ZNF613: variants seen among roughly 807,000 people sequenced by gnomAD.
ZNF613 encodes the protein zinc finger protein 613.
Under a neutral mutation model 14.3 loss-of-function variants are expected in ZNF613, and 8 were observed. The observed-to-expected ratio is 0.56, with a 90% CI of 0.33 to 1.01. ZNF613 has a LOEUF of 1.01. Ranked by LOEUF, ZNF613 falls within the 50% of genes least tolerant of loss-of-function variation. The probability of loss-of-function intolerance (pLI) is 0.03; values close to 1 mark genes in which losing one functional copy is unlikely to be tolerated. For missense variants in ZNF613, 656 were observed against 741.9 expected, an observed-to-expected ratio of 0.88 and a Z score of 1.35; for synonymous variants, 228 against 254.5, an observed-to-expected ratio of 0.90 and a Z score of 0.99.
At chr19:51,930,645 A>G (rs1024495807) in intron 2 of ZNF613, among the ~76,000 whole-genome samples, 1 of 152,180 alleles carries the variant, frequency 6.6e-6, no homozygotes, top group Admixed American at 6.5e-5. Context: ...ATAGTATTTC[A>G]TGGTATGGAT....
intron 5 of ZNF613, 45 bp from the exon 6 acceptor site, chr19:51,944,074 C>T (rs1233625037): frequency 2.0e-6 from 3 of 1,466,482 alleles, no homozygotes; most frequent in Non-Finnish European, 2.7e-6. Flanking sequence ...TGAAATAGTT[C>T]TATTCCATGC....
intron 1 of ZNF613, among the ~76,000 whole-genome samples, chr19:51,928,206 G>C (rs1220733894): frequency 6.6e-6 from 1 of 152,206 alleles, no homozygotes; most frequent in East Asian, 1.9e-4. Context: ...GGGATTACGG[G>C]CGTGAGCCTT....
rs1398077225 is a variant in ZNF613 at position 51,940,639 on chromosome 19, T to A, written c.165T>A (p.Asp55Glu). 1.2e-6 allele frequency: 2 copies of A among 1,613,370 alleles called. No individual in the cohort carries two copies. Among genetic ancestry groups the A allele is most frequent in the East Asian group, 4.5e-5 (2 of 44,852 alleles). ...VSVGYQASKP[D>E]ALFKLEQGEP... ...CAGGGTATCAAGCCAGCAAACCAGA[T>A]GCACTCTTCAAGTTGGAACAAGGAG... is the stretch of plus-strand genomic sequence containing the variant. Residue 55 changes from aspartate (D) to glutamate (E), a missense_variant, in exon 5 of 6, where the codon GAT (aspartate) becomes GAA (glutamate). By Grantham distance (45) the Asp-to-Glu change is conservative. Coordinates refer to ENST00000293471, the MANE Select transcript of ZNF613 (RefSeq NM_001031721.4).
At position 51,945,185 on chromosome 19, in the gene ZNF613, G is replaced by C. The variant is rs756435282; in HGVS notation, c.1302G>C (p.Gly434=). The change falls in exon 6 of 6, where the codon GGG becomes GGC. Residue 434 remains glycine (G), a synonymous_variant. Transcript: ENST00000293471. The part of the protein sequence containing the change: ...GEKPYVCNEC[G]KGFSQKTCLI... ...AACCCTATGTATGCAATGAATGTGGGAAAGGCTTCAGCCAGAAGACATGTT... is the reference window on the plus strand; with the variant it reads ...AACCCTATGTATGCAATGAATGTGGCAAAGGCTTCAGCCAGAAGACATGTT... 1 of 1,614,146 alleles carries C rather than the reference G, an allele frequency of 6.2e-7. No individual in the cohort carries two copies. Among genetic ancestry groups the C allele is most frequent in the South Asian group, 1.1e-5 (1 of 91,078 alleles).
rs1033156960 is a variant in ZNF613, at chr19:51,946,600, G to A, written c.*863G>A. ...TTATAAATAATCACCCCAGAGGAATGAAGTTCAAAACTTGTGAATAACCAA... is the reference window on the plus strand; with the variant it reads ...TTATAAATAATCACCCCAGAGGAATAAAGTTCAAAACTTGTGAATAACCAA... On this transcript the variant is annotated 3_prime_UTR_variant, in exon 6 of 6. Transcript: ENST00000293471. The A allele has an allele frequency of 6.6e-5, 10 of 152,212 alleles. No individual in the cohort carries two copies. Among genetic ancestry groups the A allele is most frequent in the Non-Finnish European group, 1.2e-4 (8 of 68,038 alleles). The allele number at this position is 152,212 out of a possible 1,614,324, so 9.4% of individuals were successfully genotyped here. A position where few individuals can be genotyped will look rare whatever the true frequency, so the allele number is the denominator to read the frequency against.
In ZNF613 at chr19:51,946,075, T is replaced by G; in HGVS notation, c.*338T>G. The G allele has an allele frequency of 3.9e-6, 1 of 258,468 alleles. No individual in the cohort carries two copies. The highest frequency in any genetic ancestry group is 7.5e-6 in the Non-Finnish European group (1 of 132,896). 16.0% of individuals were successfully genotyped at this position (258,468 alleles called of 1,614,324 possible). A position where few individuals can be genotyped will look rare whatever the true frequency, so the allele number is the denominator to read the frequency against. The stretch of plus-strand genomic sequence containing the variant: ...ACAGGAGAGAAACTTTTGGAAGACC[T>G]TTGAAGGCTATGAATGTGGCAGGGT... On this transcript the variant is annotated 3_prime_UTR_variant, in exon 6 of 6. Coordinates refer to ENST00000293471, the MANE Select transcript of ZNF613 (RefSeq NM_001031721.4).
At chr19:51,943,865 A>G (rs2085369791) in intron 5 of ZNF613, among the ~76,000 whole-genome samples, 1 of 152,256 alleles carries the variant, frequency 6.6e-6, no homozygotes, top group Admixed American at 6.5e-5. Flanking sequence ...GGTTTCTGGC[A>G]TGAGTCCGAG....
intron 2 of ZNF613, among the ~76,000 whole-genome samples, chr19:51,934,322 TG>T (rs1212621455): frequency 3.3e-5 from 5 of 152,274 alleles, no homozygotes; most frequent in Admixed American, 2.6e-4. Context: ...TATATGCTTT[TG>T]TTTTTTTTGT....
At position 51,945,404 on chromosome 19, in the gene ZNF613, AG is replaced by A; in HGVS notation, c.1525del (p.Glu509ArgfsTer33). On this transcript the variant is annotated frameshift_variant, in exon 6 of 6. Transcript: ENST00000293471. LOFTEE classifies it low-confidence loss of function (END_TRUNC). The stretch of plus-strand genomic sequence containing the variant: ...TCAACAGACATCGGAGAACTCATAC[AG>A]GGGAGAGACCGTATGGATGCTCTGA... ...CLNRHRRTHT[G>X]ERPYGCSDCG... The A allele has an allele frequency of 6.2e-7, 1 of 1,613,730 alleles. No homozygotes were observed. The highest frequency in any genetic ancestry group is 1.1e-5 in the South Asian group (1 of 91,040).
At chr19:51,928,230 A>G (rs1266865087) in intron 1 of ZNF613, among the ~76,000 whole-genome samples, 2 of 152,108 alleles carry the variant, frequency 1.3e-5, no homozygotes, top group African/African-American at 2.4e-5. Context: ...TCCAGGCTGT[A>G]ATCAGGATTT....
intron 2 of ZNF613, among the ~76,000 whole-genome samples, chr19:51,935,672 A>G (rs1361684653): frequency 6.6e-6 from 1 of 152,184 alleles, no homozygotes; most frequent in Non-Finnish European, 1.5e-5. Context: ...CGTGGTTTTA[A>G]AGAAATAAAT....
chr19:51,936,313 G>A, intron 3 of ZNF613, 78 bp downstream of exon 3: 9 of 1,456,472 alleles, frequency 6.2e-6, no homozygotes, highest in Non-Finnish European at 7.4e-6. Flanking sequence ...GTTGAATTAA[G>A]TCAAAAAGTA....
rs142937639 is a variant in ZNF613, at chr19:51,927,499, T to A, written c.-400T>A. 1.3e-5 allele frequency: 2 copies of A among 151,514 alleles called. No homozygotes were observed. Among genetic ancestry groups the A allele is most frequent in the African/African-American group, 4.9e-5 (2 of 41,056 alleles). The allele number at this position is 151,514 out of a possible 1,614,324, so 9.4% of individuals were successfully genotyped here. A position where few individuals can be genotyped will look rare whatever the true frequency, so the allele number is the denominator to read the frequency against. On this transcript the variant is annotated 5_prime_UTR_variant, in exon 1 of 6. Transcript: ENST00000293471. ...CCAGAAGTGGAATAATTCAGGAAAGTGCAGGTTCTGGGAAGTCTCGGTGGG... is the reference window on the plus strand; with the variant it reads ...CCAGAAGTGGAATAATTCAGGAAAGAGCAGGTTCTGGGAAGTCTCGGTGGG...
chr19:51,932,224 G>A (rs1314394541), intron 2 of ZNF613, among the ~76,000 whole-genome samples: 1 of 149,174 alleles, frequency 6.7e-6, no homozygotes, highest in Non-Finnish European at 1.5e-5. Flanking sequence ...GTGATAAACA[G>A]TTTGCTGTTT....
intron 2 of ZNF613, among the ~76,000 whole-genome samples, chr19:51,931,351 T>G (rs893278889): frequency 1.3e-5 from 2 of 152,246 alleles, no homozygotes; most frequent in Admixed American, 6.5e-5. Flanking sequence ...TTGCAACTTT[T>G]AGATATAAAA....
chr19:51,934,124 A>G (rs1405761370), intron 2 of ZNF613, among the ~76,000 whole-genome samples: 2 of 152,072 alleles, frequency 1.3e-5, no homozygotes, highest in East Asian at 1.9e-4. Flanking sequence ...TTTTGACTCA[A>G]TATTTGTTCT....
Position 51,945,131 on chromosome 19 carries a change from T to C in ZNF613, c.1248T>C (p.Leu416=), listed in dbSNP as rs145547900. The C allele has an allele frequency of 1.4e-3, 2,329 of 1,614,166 alleles. 32 individuals carry two copies. The highest frequency in any genetic ancestry group is 4.5e-3 in the African/African-American group (339 of 75,040). The change falls in exon 6 of 6, where the codon CTT becomes CTC. Residue 416 remains leucine (L), a synonymous_variant. Transcript: ENST00000293471. ...GKGFIQKGNL[L]IHRRTHTGEK... is the part of the protein sequence containing the mutation. ...GCTTCATCCAAAAGGGCAACCTCCT[T>C]ATTCATCGACGTACTCACACTGGAG...
chr19:51,934,369 A>G (rs2085290312), intron 2 of ZNF613, among the ~76,000 whole-genome samples: 1 of 152,232 alleles, frequency 6.6e-6, no homozygotes, highest in Admixed American at 6.5e-5. Context: ...AACTGATGCA[A>G]GTGCACCTTC....
At chr19:51,939,021 G>A (rs1483881920) in intron 3 of ZNF613, among the ~76,000 whole-genome samples, 1 of 151,390 alleles carries the variant, frequency 6.6e-6, no homozygotes, top group Non-Finnish European at 1.5e-5. Context: ...TTAGCCCTTA[G>A]ATCTTTGGAT....
Sources: allele counts gnomAD v4.1 joint callset (sites outside exome capture counted in the v4.1 genomes callset), GRCh38; gene constraint gnomAD v4.1.1; transcripts MANE v1.5; gene names NCBI Gene and HGNC (gene_info 2026-07-23, HGNC 2026-07-21).